The following TM9SF3 variants were observed in gnomAD, a reference collection of about 807,000 sequenced individuals.
TM9SF3 encodes the protein transmembrane 9 superfamily member 3.
A neutral mutation model predicts 78.6 loss-of-function variants in TM9SF3; 14 were observed. The ratio of observed to expected loss-of-function variants is 0.18; its 90% CI spans 0.12 to 0.28. The LOEUF is 0.28. Among genes scored for constraint, TM9SF3 ranks in the 10% least tolerant of loss-of-function variants. TM9SF3 has a pLI of 1.00. For missense variants in TM9SF3, 496 were observed against 721.9 expected (o/e 0.69, Z 3.59); for synonymous variants, 231 against 241.7 (o/e 0.96, Z 0.41).
intron 1 of TM9SF3, among the ~76,000 whole-genome samples, chr10:96,578,800 G>A (rs943563505): frequency 6.6e-6 from 1 of 152,236 alleles, no homozygotes; most frequent in African/African-American, 2.4e-5. Flanking sequence ...TCATGGCCGG[G>A]TACGGTGACT....
At position 96,518,388 on chromosome 10, in the gene TM9SF3, G is replaced by C. The variant is rs1338965401; in HGVS notation, c.*3875C>G. The C allele has an allele frequency of 6.6e-6, 1 of 152,166 alleles. No individual in the cohort carries two copies. The highest frequency in any genetic ancestry group is 2.4e-5 in the African/African-American group (1 of 41,440). 9.4% of individuals were successfully genotyped at this position (152,166 alleles called of 1,614,324 possible). On this transcript the variant is annotated 3_prime_UTR_variant, in exon 15 of 15. Coordinates refer to ENST00000371142, the MANE Select transcript of TM9SF3 (RefSeq NM_020123.4). ...AAACCAACTGGAGCTGCTTTTCCAA[G>C]AATGTTCTGTTGTCCTTCAAATAGA...
At chr10:96,544,357 T>G in intron 8 of TM9SF3, 151 bp from the exon 9 acceptor site, 5 of 671,936 alleles carry the variant, frequency 7.4e-6, no homozygotes, top group Non-Finnish European at 1.1e-5. Context: ...CAAGTACGTA[T>G]AGTGAAATCA....
Position 96,586,759 on chromosome 10 carries a change from G to A in TM9SF3, c.77C>T (p.Thr26Ile), listed in dbSNP as rs1282429180. ...CGTGTGTTCGTGCTCGTCCGCCCGG[G>A]TCCGGGGCAGCAGCAGCAGCAGCAG... The part of the protein sequence containing the change: ...LWLLLLLLPR[T>I]RADEHEHTYQ... Residue 26 changes from threonine (T) to isoleucine (I), a missense_variant, in exon 1 of 15, where the codon ACC (threonine) becomes ATC (isoleucine). Thr to Ile is a moderately conservative substitution (Grantham distance 89). Coordinates refer to ENST00000371142, the MANE Select transcript of TM9SF3 (RefSeq NM_020123.4). 7 of 1,283,216 alleles carry A rather than the reference G, an allele frequency of 5.5e-6. No individual in the cohort carries two copies. Among genetic ancestry groups the A allele is most frequent in the Non-Finnish European group, 6.9e-6 (7 of 1,015,560 alleles). The allele number at this position is 1,283,216 out of a possible 1,614,324, so 79.5% of individuals were successfully genotyped here.
intron 2 of TM9SF3, among the ~76,000 whole-genome samples, chr10:96,569,781 C>A (rs186438397): frequency 5.3e-5 from 8 of 152,168 alleles, no homozygotes; most frequent in Admixed American, 3.9e-4. Flanking sequence ...CACCTGTAAT[C>A]CCAGCATTTT....
At position 96,586,892 on chromosome 10, in the gene TM9SF3, T is replaced by TCCTCCGCCGCCGCCG. The variant is rs1220108953; in HGVS notation, c.-72_-58dup. On this transcript the variant is annotated 5_prime_UTR_variant, in exon 1 of 15. Transcript: ENST00000371142. ...ACCGACTCCTCCTCCCGCCGCCGCC[T>TCCTCCGCCGCCGCCG]CCTCCGCCGCCGCCGCCTCCGCCGC... 94 of 1,112,614 alleles carry TCCTCCGCCGCCGCCG rather than the reference T, an allele frequency of 8.4e-5. No homozygotes were observed. The highest frequency in any genetic ancestry group is 9.9e-5 in the Non-Finnish European group (89 of 900,326). 68.9% of individuals were successfully genotyped at this position (1,112,614 alleles called of 1,614,324 possible).
chr10:96,522,180 T>C lies in TM9SF3; in HGVS notation c.*83A>G. The C allele has an allele frequency of 2.5e-6, 3 of 1,212,740 alleles. No homozygotes were observed. The highest frequency in any genetic ancestry group is 3.5e-6 in the Non-Finnish European group (3 of 847,416). 75.1% of individuals were successfully genotyped at this position (1,212,740 alleles called of 1,614,324 possible). A position where few individuals can be genotyped will look rare whatever the true frequency, so the allele number is the denominator to read the frequency against. On this transcript the variant is annotated 3_prime_UTR_variant, in exon 15 of 15. Transcript: ENST00000371142. ...CCAGTGTGTTAAAGCCCAAATCTCT[T>C]CTTGCGTTTGTTTGTTTTTGCTGTG...
intron 14 of TM9SF3, among the ~76,000 whole-genome samples, chr10:96,522,897 T>C (rs1020566915): frequency 3.3e-5 from 5 of 151,780 alleles, no homozygotes; most frequent in African/African-American, 4.8e-5. Flanking sequence ...TTTGCGGGAA[T>C]AGACAGGACA....
intron 10 of TM9SF3, among the ~76,000 whole-genome samples, chr10:96,531,770 T>C (rs1290191604): frequency 1.3e-5 from 2 of 152,048 alleles, no homozygotes; most frequent in African/African-American, 2.4e-5. Flanking sequence ...GTGAGGAAGC[T>C]CTCACCAGAC....
At chr10:96,535,220 G>A (rs1305887263) in intron 9 of TM9SF3, among the ~76,000 whole-genome samples, 1 of 152,154 alleles carries the variant, frequency 6.6e-6, no homozygotes, top group Non-Finnish European at 1.5e-5. Context: ...AATGTGAGCA[G>A]TTTGTTAGAA....
intron 9 of TM9SF3, among the ~76,000 whole-genome samples, chr10:96,534,509 CT>C (rs1847933213): frequency 9.6e-6 from 1 of 103,644 alleles, no homozygotes; most frequent in African/African-American, 3.5e-5. Context: ...TTCTTAATAA[CT>C]ACAAGACTCA....
At position 96,527,244 on chromosome 10, in the gene TM9SF3, C is replaced by A; in HGVS notation, c.1671G>T (p.Ala557=). ...FQTSFYFGYM[A]VFSTALGIMC... ...TTATCCCCAAGGCTGTGCTAAATAC[C>A]GCCATATATCCAAAGTAAAATGATG... is the stretch of plus-strand genomic sequence containing the variant. Residue 557 remains alanine, a synonymous_variant, in exon 14 of 15, where the codon GCG becomes GCT. Coordinates refer to ENST00000371142, the MANE Select transcript of TM9SF3 (RefSeq NM_020123.4). The A allele has an allele frequency of 6.2e-7, 1 of 1,611,056 alleles. No individual in the cohort carries two copies. The highest frequency in any genetic ancestry group is 1.1e-5 in the South Asian group (1 of 90,804).
intron 2 of TM9SF3, among the ~76,000 whole-genome samples, chr10:96,567,996 G>C (rs1848398317): frequency 1.3e-5 from 2 of 152,202 alleles, no homozygotes; most frequent in Admixed American, 1.3e-4. Context: ...GATTGACAAA[G>C]AGGTCTTGAA....
chr10:96,580,801 G>A (rs1848560129), intron 1 of TM9SF3, among the ~76,000 whole-genome samples: 1 of 152,028 alleles, frequency 6.6e-6, no homozygotes. Flanking sequence ...GTCTTTATAT[G>A]AACACTTAAA....
At chr10:96,573,412 G>A (rs12761929) in intron 2 of TM9SF3, among the ~76,000 whole-genome samples, 5,542 of 152,210 alleles carry the variant, frequency 0.036, 134 homozygotes, top group Middle Eastern at 0.11. Context: ...AGTAGAGGGC[G>A]AAGATAAATC....
In TM9SF3 at chr10:96,565,311, T is replaced by C; in HGVS notation, c.414A>G (p.Pro138=). 1 of 1,542,944 alleles carries C rather than the reference T, an allele frequency of 6.5e-7. No individual in the cohort carries two copies. The highest frequency in any genetic ancestry group is 8.6e-7 in the Non-Finnish European group (1 of 1,156,892). ...ACAACATACAATACTTACCCCATAT[T>C]GGTAAATCATCTATGTACATCTGGT... is the stretch of plus-strand genomic sequence containing the variant. ...YWYQMYIDDL[P]IWGIVGEADE... Residue 138 remains proline (P), a synonymous_variant, in exon 3 of 15, where the codon CCA becomes CCG. Transcript: ENST00000371142.
intron 9 of TM9SF3, among the ~76,000 whole-genome samples, chr10:96,540,502 C>T (rs974446241): frequency 1.3e-5 from 2 of 152,084 alleles, no homozygotes; most frequent in Non-Finnish European, 2.9e-5. Context: ...AACTGCCTTG[C>T]GTATCTTAGG....
intron 10 of TM9SF3, among the ~76,000 whole-genome samples, 158 bp from the exon 11 acceptor site, chr10:96,530,766 C>A (rs1362928845): frequency 6.6e-6 from 1 of 152,148 alleles, no homozygotes; most frequent in African/African-American, 2.4e-5. Context: ...AGGCACAATA[C>A]ATAGGTGGGA....
chr10:96,576,279 C>A (rs1057059674), intron 2 of TM9SF3: 6 of 153,892 alleles, frequency 3.9e-5, no homozygotes, highest in African/African-American at 1.4e-4. Context: ...ATTTTATTAA[C>A]AATTATCTAT....
At chr10:96,537,507 T>A (rs905936029) in intron 9 of TM9SF3, among the ~76,000 whole-genome samples, 3 of 152,338 alleles carry the variant, frequency 2.0e-5, no homozygotes, top group African/African-American at 7.2e-5. Flanking sequence ...AAATGATGCA[T>A]GACTGTAACA....
Sources: gnomAD v4.1 joint callset for allele counts (sites outside exome capture counted in the v4.1 genomes callset) on GRCh38, gnomAD v4.1.1 for gene constraint, MANE v1.5 for transcripts, NCBI Gene and HGNC (gene_info 2026-07-23, HGNC 2026-07-21) for gene names.